PHTF2: variants seen among roughly 807,000 people sequenced by gnomAD.
The protein encoded by PHTF2 is protein PHTF2.
A neutral mutation model predicts 101.2 loss-of-function variants in PHTF2; 60 were observed. The ratio of observed to expected loss-of-function variants is 0.59; its 90% CI spans 0.48 to 0.73. The LOEUF (loss-of-function observed/expected upper bound fraction) is 0.73. PHTF2 is among the 30% of genes least tolerant of loss of function. PHTF2 has a pLI of 0.00. For missense variants in PHTF2, 747 were observed against 908.7 expected (o/e 0.82, Z 2.29); for synonymous variants, 311 against 307.3 (o/e 1.01, Z -0.13).
intron 1 of PHTF2, among the ~76,000 whole-genome samples, chr7:77,808,228 G>A (rs1324907608): frequency 6.6e-6 from 1 of 152,060 alleles, no homozygotes; most frequent in Non-Finnish European, 1.5e-5. Flanking sequence ...AATGCTCTTG[G>A]GATTTTGATA....
At chr7:77,947,509 G>A (rs1454731988) in intron 16 of PHTF2, among the ~76,000 whole-genome samples, 1 of 151,976 alleles carries the variant, frequency 6.6e-6, no homozygotes, top group Non-Finnish European at 1.5e-5. Flanking sequence ...GTTGCGGTGA[G>A]CCAAGATAAC....
intron 12 of PHTF2, among the ~76,000 whole-genome samples, chr7:77,936,690 G>A (rs750725318): frequency 7.6e-6 from 1 of 132,156 alleles, no homozygotes; most frequent in Non-Finnish European, 1.6e-5. Flanking sequence ...CAAAATGTGG[G>A]AAGTATATGA....
exon 3 of PHTF2, chr7:77,854,763 G>A: frequency 1.4e-6 from 1 of 736,650 alleles, no homozygotes; most frequent in Non-Finnish European, 2.5e-6. Flanking sequence ...CACCGCCCCA[G>A]GCCCACAGCA....
intron 1 of PHTF2, among the ~76,000 whole-genome samples, chr7:77,832,275 G>A (rs1031306165): frequency 6.6e-6 from 1 of 152,128 alleles, no homozygotes; most frequent in Non-Finnish European, 1.5e-5. Flanking sequence ...CATTAACAGA[G>A]ATTTTTAAAG....
At chr7:77,838,204 A>C (rs1795615942) in intron 1 of PHTF2, among the ~76,000 whole-genome samples, 1 of 152,196 alleles carries the variant, frequency 6.6e-6, no homozygotes, top group African/African-American at 2.4e-5. Context: ...GAAGTTAATA[A>C]ATCATACTCA....
Position 77,893,237 on chromosome 7 carries a change from C to T in PHTF2, c.148-371C>T, listed in dbSNP as rs1396339736. Reference sequence around the variant, plus strand: ...TACCTGATAGTTTTTTGTTTTTTTTCTGAACCTCTCCCTCCTTTGAACCTC... The same window carrying T: ...TACCTGATAGTTTTTTGTTTTTTTTTTGAACCTCTCCCTCCTTTGAACCTC... On this transcript the variant is annotated intron_variant, in intron 3 of 19. Transcript: ENST00000416283. Among the ~76,000 whole-genome samples the T allele has an allele frequency of 4.0e-5, 6 of 151,564 alleles. No individual in the cohort carries two copies. The East Asian group carries it at 1.2e-3, about 29-fold the overall frequency.
intron 16 of PHTF2, among the ~76,000 whole-genome samples, chr7:77,948,213 A>AGAAAGC (rs1272184544): frequency 2.6e-5 from 4 of 152,144 alleles, no homozygotes; most frequent in African/African-American, 4.8e-5. Flanking sequence ...TTAAAATTAC[A>AGAAAGC]GAAAGACTTT....
rs58290945 is a variant in PHTF2, at chr7:77,925,495, G to GTTTTTTTTTTTTTTTTT, written c.1119+2732_1119+2748dup. 6.6e-4 allele frequency among the ~76,000 whole-genome samples: 48 copies of GTTTTTTTTTTTTTTTTT among 73,162 alleles called. 5 individuals carry two copies. Among genetic ancestry groups the GTTTTTTTTTTTTTTTTT allele is most frequent in the African/African-American group, 2.5e-3 (43 of 17,296 alleles). 48.0% of individuals were successfully genotyped at this position (73,162 alleles called of 152,430 possible). Reference sequence around the variant, plus strand: ...GCAATTATAGGCAATAGTTTTTAGGGTTTTTTTTTTTTTTTTTTTTTTTTT... The same window carrying GTTTTTTTTTTTTTTTTT: ...GCAATTATAGGCAATAGTTTTTAGGGTTTTTTTTTTTTTTTTTTTTTTTTTTTTTTTTTTTTTTTTTT... On this transcript the variant is annotated intron_variant, in intron 11 of 19. Transcript: ENST00000416283.
intron 9 of PHTF2, among the ~76,000 whole-genome samples, chr7:77,914,732 C>G (rs1190170367): frequency 6.6e-6 from 1 of 152,028 alleles, no homozygotes; most frequent in Non-Finnish European, 1.5e-5. Context: ...AAATGAAAGT[C>G]TGTAATCAAT....
At chr7:77,882,265 G>A (rs1003640691) in intron 3 of PHTF2, among the ~76,000 whole-genome samples, 1 of 151,902 alleles carries the variant, frequency 6.6e-6, no homozygotes, top group Non-Finnish European at 1.5e-5. Flanking sequence ...GATCCAAATG[G>A]CTAGCTAGAT....
chr7:77,935,606 C>T (rs1312593653), intron 12 of PHTF2, among the ~76,000 whole-genome samples: 1 of 152,196 alleles, frequency 6.6e-6, no homozygotes, highest in Non-Finnish European at 1.5e-5. Flanking sequence ...AATGTAATAT[C>T]AGATGCTGGA....
At chr7:77,870,488 G>C (rs771692649) in intron 3 of PHTF2, among the ~76,000 whole-genome samples, 30 of 152,106 alleles carry the variant, frequency 2.0e-4, no homozygotes, top group Non-Finnish European at 4.3e-4. Context: ...TGGGAGGCTA[G>C]GCCAGGCCAG....
chr7:77,834,275 T>G (rs1246338153), intron 1 of PHTF2, among the ~76,000 whole-genome samples: 1 of 138,228 alleles, frequency 7.2e-6, no homozygotes, highest in Non-Finnish European at 1.5e-5. Context: ...ATCGTGCCAC[T>G]GCACTCCAGC....
chr7:77,881,690 C>G (rs915444960), intron 3 of PHTF2, among the ~76,000 whole-genome samples: 6 of 152,042 alleles, frequency 3.9e-5, no homozygotes, highest in African/African-American at 1.4e-4. Flanking sequence ...TTTTTCAAAC[C>G]TGCTTTTATT....
intron 1 of PHTF2, among the ~76,000 whole-genome samples, chr7:77,819,065 A>G (rs1406092670): frequency 1.3e-5 from 2 of 152,168 alleles, no homozygotes; most frequent in Non-Finnish European, 1.5e-5. Flanking sequence ...TAGAAATGCT[A>G]CTGATTTGTG....
chr7:77,818,838 G>A (rs747246133), intron 1 of PHTF2, among the ~76,000 whole-genome samples: 2 of 151,830 alleles, frequency 1.3e-5, no homozygotes, highest in Non-Finnish European at 2.9e-5. Context: ...TCTTTGGGTT[G>A]TGGGGTCACT....
intron 3 of PHTF2, among the ~76,000 whole-genome samples, chr7:77,857,532 A>G (rs1188452470): frequency 2.6e-5 from 4 of 152,232 alleles, no homozygotes; most frequent in African/African-American, 9.6e-5. Context: ...TTTTTAAAGA[A>G]GTAACAGTAT....
chr7:77,930,462 G>A, intron 12 of PHTF2, among the ~76,000 whole-genome samples: 1 of 68,580 alleles, frequency 1.5e-5, no homozygotes, highest in African/African-American at 7.8e-5. Context: ...GAAACTTGGT[G>A]GTCATTTAAA....
rs915714074 is a variant in PHTF2, at chr7:77,923,359, A to G, written c.1119+581A>G. ...AGAACATTTGGCTTTAAGGCAAATA[A>G]ATTACACTGTTTATCACTTTTTTAT... On this transcript the variant is annotated intron_variant, in intron 11 of 19. Transcript: ENST00000416283. 3 of 969,140 alleles carry G rather than the reference A, an allele frequency of 3.1e-6. No homozygotes were observed. In the African/African-American group the frequency reaches 5.3e-5, roughly 17 times the overall value. The allele number at this position is 969,140 out of a possible 1,614,324, so 60.0% of individuals were successfully genotyped here. A position where few individuals can be genotyped will look rare whatever the true frequency, so the allele number is the denominator to read the frequency against.
Sources: gnomAD v4.1 joint callset for allele counts (sites outside exome capture counted in the v4.1 genomes callset) on GRCh38, gnomAD v4.1.1 for gene constraint, MANE v1.5 for transcripts, NCBI Gene and HGNC (gene_info 2026-07-23, HGNC 2026-07-21) for gene names.